Variants in SGO1 observed in about 807,000 individuals in gnomAD.
The protein encoded by SGO1 is serologically defined breast cancer antigen NY-BR-85.
In SGO1, 39 loss-of-function variants were observed where a neutral mutation model predicts 50.5. The ratio of observed to expected loss-of-function variants is 0.77; its 90% CI spans 0.60 to 1.01. The LOEUF is 1.01. SGO1 is among the 50% of genes least tolerant of loss of function. SGO1 has a pLI of 0.00. For synonymous variants in SGO1, 191 were observed against 205.1 expected, an observed-to-expected ratio of 0.93 and a Z score of 0.59; for missense variants, 638 against 606.0, an observed-to-expected ratio of 1.05 and a Z score of -0.55.
At chr3:20,161,294 A>G (rs2125213252) in intron 8 of SGO1, 1 of 1,405,406 alleles carries the variant, frequency 7.1e-7, no homozygotes, top group Non-Finnish European at 9.3e-7. Context: ...GATTTTATTC[A>G]GAAGGAAAAA....
chr3:20,170,561 C>T lies in SGO1; in HGVS notation c.*143G>A. ...AAAGCATCCCATTTGAAGTATAGTT[C>T]TGAAGAAATGTTTATGAGCTAGGGT... On this transcript the variant is annotated 3_prime_UTR_variant, in exon 8 of 8. Coordinates refer to ENST00000412997, the MANE Select transcript of SGO1 (RefSeq NM_001199251.3). The T allele has an allele frequency of 7.7e-7, 1 of 1,304,938 alleles. No homozygotes were observed. Among genetic ancestry groups the T allele is most frequent in the Non-Finnish European group, 9.7e-7 (1 of 1,028,242 alleles). 80.8% of individuals were successfully genotyped at this position (1,304,938 alleles called of 1,614,324 possible). A position where few individuals can be genotyped will look rare whatever the true frequency, so the allele number is the denominator to read the frequency against.
exon 9 of SGO1, chr3:20,161,019 A>G: frequency 6.3e-7 from 1 of 1,585,120 alleles, no homozygotes; most frequent in Non-Finnish European, 8.6e-7. Context: ...CCCCCAACAC[A>G]TAAAGCTAGA....
At chr3:20,177,535 TCTC>T (rs564279615) in intron 4 of SGO1, among the ~76,000 whole-genome samples, 1 of 152,178 alleles carries the variant, frequency 6.6e-6, no homozygotes, top group South Asian at 2.1e-4. Flanking sequence ...CATTTTTTGT[TCTC>T]CTGATGATGT....
chr3:20,169,591 T>C lies in SGO1; in HGVS notation c.*1113A>G. 1 of 985,312 alleles carries C rather than the reference T, an allele frequency of 1.0e-6. No homozygotes were observed. The highest frequency in any genetic ancestry group is 1.2e-6 in the Non-Finnish European group (1 of 829,810). The allele number at this position is 985,312 out of a possible 1,614,324, so 61.0% of individuals were successfully genotyped here. A position where few individuals can be genotyped will look rare whatever the true frequency, so the allele number is the denominator to read the frequency against. ...CATCAAACTTTCTAAACTGAACTAA[T>C]TCGCTTTCATTGGTTGGTCAAAAAT... On this transcript the variant is annotated 3_prime_UTR_variant, in exon 8 of 8. Coordinates refer to ENST00000412997, the MANE Select transcript of SGO1 (RefSeq NM_001199251.3).
intron 6 of SGO1, among the ~76,000 whole-genome samples, chr3:20,172,846 G>C (rs1700918563): frequency 6.7e-6 from 1 of 149,354 alleles, no homozygotes; most frequent in Admixed American, 6.7e-5. Context: ...CATGCCTGTA[G>C]TCCCAAGTAC....
chr3:20,165,167 G>C (rs1161981027), downstream of SGO1, among the ~76,000 whole-genome samples: 1 of 152,190 alleles, frequency 6.6e-6, no homozygotes, highest in South Asian at 2.1e-4. Flanking sequence ...GAAGGCAAAG[G>C]GGAGCTGGCA....
intron 8 of SGO1, among the ~76,000 whole-genome samples, chr3:20,164,337 C>T (rs1230252078): frequency 6.6e-6 from 1 of 151,806 alleles, no homozygotes; most frequent in East Asian, 1.9e-4. Flanking sequence ...AAAATATCAT[C>T]TCAATAAAGT....
In SGO1 at chr3:20,183,963, A is replaced by G; in HGVS notation, c.65T>C (p.Met22Thr). Residue 22 changes from methionine (M) to threonine (T), a missense_variant, in exon 2 of 8, where the codon ATG becomes ACG. Transcript: ENST00000412997. ...CAAGTTTTTATTCCTTTTCTCTTTC[A>G]TTCGCTTCTTTATGTCTTCAAGACT... ...QDSLEDIKKR[M>T]KEKRNKNLAE... 6.2e-7 allele frequency: 1 copy of G among 1,612,774 alleles called. No individual in the cohort carries two copies. Among genetic ancestry groups the G allele is most frequent in the Non-Finnish European group, 8.5e-7 (1 of 1,179,664 alleles).
chr3:20,184,064 G>C (rs781298710), intron 1 of SGO1, 30 bp from the exon 2 acceptor site: 2 of 1,517,846 alleles, frequency 1.3e-6, no homozygotes, highest in Non-Finnish European at 1.8e-6. Context: ...TTTTCTCAGA[G>C]AGAATATTAT....
chr3:20,181,623 T>C (rs2125370303), intron 3 of SGO1, among the ~76,000 whole-genome samples: 1 of 152,368 alleles, frequency 6.6e-6, no homozygotes. Flanking sequence ...CTTTTGTAAT[T>C]ATCTCATTGA....
chr3:20,161,347 T>C, intron 8 of SGO1: 2 of 1,370,480 alleles, frequency 1.5e-6, no homozygotes, highest in Non-Finnish European at 9.5e-7. Context: ...AATTAGAAAA[T>C]ATGTGAGCAA....
intron 4 of SGO1, among the ~76,000 whole-genome samples, chr3:20,177,792 C>G (rs761259555): frequency 2.6e-4 from 39 of 151,976 alleles, no homozygotes; most frequent in Non-Finnish European, 4.3e-4. Context: ...TACATTTGAT[C>G]CAAGAGAAGG....
At chr3:20,177,121 G>T (rs1446474350) in intron 4 of SGO1, 1 of 152,438 alleles carries the variant, frequency 6.6e-6, no homozygotes, top group Non-Finnish European at 1.5e-5. Context: ...TACAAATGTT[G>T]TTCTTTGGTT....
At chr3:20,172,731 C>A (rs766964155) in intron 6 of SGO1, among the ~76,000 whole-genome samples, 9 of 146,486 alleles carry the variant, frequency 6.1e-5, no homozygotes, top group South Asian at 4.3e-4. Context: ...AGGAGGACTG[C>A]TTTAGCCCAG....
At position 20,178,327 on chromosome 3, in the gene SGO1, A is replaced by T; in HGVS notation, c.360T>A (p.Ser120=). ...EPAQNQEICS[S]GMDPNSDDSS... ...TGTCATCACTATTGGGGTCCATTCCAGAGGAACATATTTCCTGGTTCTGTT... is the reference window on the plus strand; with the variant it reads ...TGTCATCACTATTGGGGTCCATTCCTGAGGAACATATTTCCTGGTTCTGTT... The change falls in exon 4 of 8, where the codon TCT becomes TCA. Residue 120 remains serine, a synonymous_variant. Coordinates refer to ENST00000412997, the MANE Select transcript of SGO1 (RefSeq NM_001199251.3). The T allele has an allele frequency of 5.6e-6, 9 of 1,612,468 alleles. No homozygotes were observed. Among genetic ancestry groups the T allele is most frequent in the Non-Finnish European group, 7.6e-6 (9 of 1,178,664 alleles).
chr3:20,175,756 A>G (rs1575218560), intron 5 of SGO1, among the ~76,000 whole-genome samples: 1 of 151,696 alleles, frequency 6.6e-6, no homozygotes, highest in African/African-American at 2.4e-5. Flanking sequence ...CTGAGATCGC[A>G]CCACTGCTCT....
intron 3 of SGO1, among the ~76,000 whole-genome samples, chr3:20,183,012 C>T (rs1031664108): frequency 1.5e-4 from 23 of 149,794 alleles, no homozygotes; most frequent in African/African-American, 4.7e-4. Flanking sequence ...AGGGAGACGC[C>T]GTCTCAAAAA....
downstream of SGO1, among the ~76,000 whole-genome samples, chr3:20,166,272 A>T (rs1227836001): frequency 1.3e-5 from 2 of 152,210 alleles, no homozygotes; most frequent in Non-Finnish European, 2.9e-5. Flanking sequence ...AATATATATA[A>T]AAACTAAAAC....
chr3:20,178,078 A>G (rs1380014483), intron 4 of SGO1, among the ~76,000 whole-genome samples, 193 bp downstream of exon 4: 1 of 152,174 alleles, frequency 6.6e-6, no homozygotes, highest in Non-Finnish European at 1.5e-5. Context: ...GAAATATAAG[A>G]AAAAGAAGGG....
Sources: gnomAD v4.1 joint callset for allele counts (sites outside exome capture counted in the v4.1 genomes callset) on GRCh38, gnomAD v4.1.1 for gene constraint, MANE v1.5 for transcripts, NCBI Gene and HGNC (gene_info 2026-07-23, HGNC 2026-07-21) for gene names.